Variants in FOCAD observed in about 807,000 individuals in gnomAD.
FOCAD encodes the protein focadhesin.
Under a neutral mutation model 225.6 loss-of-function variants are expected in FOCAD, and 198 were observed. The ratio of observed to expected loss-of-function variants is 0.88; its 90% confidence interval spans 0.78 to 0.99. The LOEUF is 0.99. Among genes scored for constraint, FOCAD ranks in the 50% least tolerant of loss-of-function variants. The probability of loss-of-function intolerance (pLI) is 0.00; values close to 1 mark genes in which losing one functional copy is unlikely to be tolerated. For missense variants in FOCAD, 2,713 were observed against 2,123.6 expected, an observed-to-expected ratio of 1.28 and a Z score of -5.46; for synonymous variants, 897 against 755.0, an observed-to-expected ratio of 1.19 and a Z score of -3.08.
In FOCAD at chr9:20,764,882, T is replaced by C; in HGVS notation, c.508T>C (p.Cys170Arg). 6.2e-7 allele frequency: 1 copy of C among 1,613,836 alleles called. No individual in the cohort carries two copies. The highest frequency in any genetic ancestry group is 1.1e-5 in the South Asian group (1 of 91,008). Reference protein sequence around the residue: ...QQCPERLEVSCIQIMAPFLWY... With the variant: ...QQCPERLEVSRIQIMAPFLWY... ...CATGTCTTATAGGTTAGAAGTTTCA[T>C]GCATTCAAATAATGGCACCATTTCT... Residue 170 changes from cysteine to arginine, a missense_variant, in exon 7 of 44, where the codon TGC becomes CGC. Physicochemically the swap from Cys to Arg is radical, Grantham distance 180. Transcript: ENST00000338382.
chr9:20,911,669 C>T (rs973547732), intron 22 of FOCAD, among the ~76,000 whole-genome samples: 1 of 152,078 alleles, frequency 6.6e-6, no homozygotes, highest in African/African-American at 2.4e-5. Flanking sequence ...TTGTTGGCCA[C>T]TTTTTACAAA....
chr9:20,838,820 A>G (rs377430428), intron 15 of FOCAD, among the ~76,000 whole-genome samples: 2 of 152,164 alleles, frequency 1.3e-5, no homozygotes, highest in African/African-American at 4.8e-5. Flanking sequence ...GAACACCAGT[A>G]TCTAAAGTGA....
At chr9:20,924,430 A>G (rs1834751243) in intron 25 of FOCAD, among the ~76,000 whole-genome samples, 1 of 152,200 alleles carries the variant, frequency 6.6e-6, no homozygotes, top group South Asian at 2.1e-4. Flanking sequence ...GCCTATTTGT[A>G]GCAATTTCCT....
At chr9:20,988,791 G>A (rs1364067775) in intron 41 of FOCAD, among the ~76,000 whole-genome samples, 1 of 152,020 alleles carries the variant, frequency 6.6e-6, no homozygotes, top group Admixed American at 6.5e-5. Flanking sequence ...TGTGTAGCTG[G>A]GATTGATCCC....
In FOCAD at chr9:20,953,030, C is replaced by G; in HGVS notation, c.4097C>G (p.Ala1366Gly). The change falls in exon 35 of 44, where the codon GCA (alanine) becomes GGA (glycine). Residue 1366 changes from alanine (A) to glycine (G), a missense_variant. Physicochemically the swap from Ala to Gly is moderately conservative, Grantham distance 60. Coordinates refer to ENST00000338382, the MANE Select transcript of FOCAD (RefSeq NM_001375567.1). ...SYLPESSFIGAAIGFFITGGK... is the reference protein window; with the variant it reads ...SYLPESSFIGGAIGFFITGGK... ...TTGCCTGAAAGCAGTTTTATTGGAGCAGCTATTGGCTTCTTCATTACAGGA... is the reference window on the plus strand; with the variant it reads ...TTGCCTGAAAGCAGTTTTATTGGAGGAGCTATTGGCTTCTTCATTACAGGA... The G allele has an allele frequency of 6.2e-7, 1 of 1,613,492 alleles. No individual in the cohort carries two copies. Among genetic ancestry groups the G allele is most frequent in the Non-Finnish European group, 8.5e-7 (1 of 1,179,722 alleles).
chr9:20,745,797 G>T (rs543402155), intron 5 of FOCAD, among the ~76,000 whole-genome samples: 1 of 152,302 alleles, frequency 6.6e-6, no homozygotes, highest in South Asian at 2.1e-4. Flanking sequence ...TGTACTTTCT[G>T]AAATAAGGGA....
chr9:20,660,698 C>T (rs1821689484), intron 2 of FOCAD, among the ~76,000 whole-genome samples: 1 of 152,090 alleles, frequency 6.6e-6, no homozygotes, highest in Non-Finnish European at 1.5e-5. Flanking sequence ...GTAACAGACT[C>T]AGAAAAGTGT....
At chr9:20,825,203 C>T (rs1274595053) in intron 15 of FOCAD, among the ~76,000 whole-genome samples, 1 of 145,408 alleles carries the variant, frequency 6.9e-6, no homozygotes, top group Non-Finnish European at 1.5e-5. Flanking sequence ...TGTGAAGCTG[C>T]TGCTATGTCC....
In FOCAD at chr9:20,986,266, A is replaced by ATTTTTTTTTTTTTGTTTTTTTTTTTT. The variant is rs1841145331; in HGVS notation, c.4729-9_4729-8insGTTTTTTTTTTTTTTTTTTTTTTTTT. ...CAGTTAATTTAATAGTAACTAAACA[A>ATTTTTTTTTTTTTGTTTTTTTTTTTT]TTTTTTTTTTTTTTTTTGCAGAGCA... On this transcript the variant is annotated intron_variant, in intron 39 of 43. Coordinates refer to ENST00000338382, the MANE Select transcript of FOCAD (RefSeq NM_001375567.1). 3.3e-6 allele frequency: 2 copies of ATTTTTTTTTTTTTGTTTTTTTTTTTT among 606,560 alleles called. 1 individual carries two copies. Among genetic ancestry groups the ATTTTTTTTTTTTTGTTTTTTTTTTTT allele is most frequent in the Non-Finnish European group, 4.2e-6 (2 of 477,780 alleles). The allele number at this position is 606,560 out of a possible 1,614,324, so 37.6% of individuals were successfully genotyped here.
At position 20,988,380 on chromosome 9, in the gene FOCAD, G is replaced by T. The variant is rs1841368614; in HGVS notation, c.4955G>T (p.Arg1652Ile). Residue 1652 changes from arginine to isoleucine, a missense_variant, in exon 41 of 44, where the codon AGA becomes ATA. Arg to Ile is a moderately conservative substitution (Grantham distance 97). Coordinates refer to ENST00000338382, the MANE Select transcript of FOCAD (RefSeq NM_001375567.1). ...CTCTTGGAACTGATGGGTTATATTA[G>T]AAATGTTGCTTACCAGTCAACATCC... ...EWLLELMGYI[R>I]NVAYQSTSFH... The T allele has an allele frequency of 1.2e-6, 2 of 1,612,310 alleles. No individual in the cohort carries two copies. Among genetic ancestry groups the T allele is most frequent in the Non-Finnish European group, 1.7e-6 (2 of 1,179,132 alleles).
Position 20,990,391 on chromosome 9 carries a change from C to T in FOCAD, c.5256+17C>T. On this transcript the variant is annotated intron_variant, in intron 42 of 43. Transcript: ENST00000338382. ...ACCCAGAAGGTGAGGCTGGCAGCCA[C>T]CTGCTTAGCAGGGCAGGCAGCCATT... The T allele has an allele frequency of 6.2e-7, 1 of 1,611,580 alleles. No homozygotes were observed. Among genetic ancestry groups the T allele is most frequent in the Non-Finnish European group, 8.5e-7 (1 of 1,179,168 alleles).
intron 4 of FOCAD, chr9:20,726,202 C>G (rs2131581487): frequency 6.6e-6 from 1 of 152,218 alleles, no homozygotes; most frequent in South Asian, 2.1e-4. Flanking sequence ...TTGACTGTAT[C>G]CTGGAATAGA....
chr9:20,876,532 C>T (rs1830239619), intron 19 of FOCAD, among the ~76,000 whole-genome samples: 1 of 152,042 alleles, frequency 6.6e-6, no homozygotes, highest in African/African-American at 2.4e-5. Context: ...CATTGTTTGT[C>T]CTTGGTGGTT....
chr9:20,855,219 T>C (rs183253158), intron 15 of FOCAD, among the ~76,000 whole-genome samples: 1 of 151,748 alleles, frequency 6.6e-6, no homozygotes, highest in African/African-American at 2.4e-5. Context: ...AATAGTGGTT[T>C]AAAATGGTGA....
intron 15 of FOCAD, among the ~76,000 whole-genome samples, chr9:20,833,232 A>T (rs562633137): frequency 3.1e-4 from 47 of 151,900 alleles, no homozygotes; most frequent in Admixed American, 9.9e-4. Flanking sequence ...TTTTAATTTG[A>T]ATTTCCCTCA....
intron 39 of FOCAD, among the ~76,000 whole-genome samples, chr9:20,983,340 G>A (rs953778660): frequency 2.0e-5 from 3 of 152,104 alleles, no homozygotes; most frequent in South Asian, 2.1e-4. Context: ...TTGGGAGGCC[G>A]AGGCGGGTGG....
At chr9:20,934,125 A>G (rs748550054) in intron 28 of FOCAD, among the ~76,000 whole-genome samples, 14 of 152,088 alleles carry the variant, frequency 9.2e-5, no homozygotes, top group Non-Finnish European at 2.1e-4. Context: ...TCAGTTGTAT[A>G]TAGATTGTGA....
At chr9:20,679,797 T>C (rs1307112262), upstream of FOCAD, among the ~76,000 whole-genome samples, 2 of 152,156 alleles carry the variant, frequency 1.3e-5, no homozygotes, top group South Asian at 2.1e-4. Flanking sequence ...GTCTAGAAAA[T>C]ACAGATTTGA....
upstream of FOCAD, among the ~76,000 whole-genome samples, chr9:20,682,791 T>C (rs1322435393): frequency 2.0e-5 from 3 of 152,152 alleles, no homozygotes; most frequent in African/African-American, 4.8e-5. Flanking sequence ...GAATGATTGA[T>C]TGTGACAGTC....
Sources: gnomAD v4.1 joint callset for allele counts (sites outside exome capture counted in the v4.1 genomes callset) on GRCh38, gnomAD v4.1.1 for gene constraint, MANE v1.5 for transcripts, NCBI Gene and HGNC (gene_info 2026-07-23, HGNC 2026-07-21) for gene names.